ZNF705A: variants seen among roughly 807,000 people sequenced by gnomAD.
ZNF705A encodes zinc finger protein 705A.
Under a neutral mutation model 16.6 loss-of-function variants are expected in ZNF705A, and 8 were observed. The ratio of observed to expected loss-of-function variants is 0.48; its 90% confidence interval spans 0.28 to 0.87. The LOEUF (loss-of-function observed/expected upper bound fraction) is 0.87, where lower values mean the gene tolerates loss of function less well. Among genes scored for constraint, ZNF705A ranks in the 40% least tolerant of loss-of-function variants. The probability of loss-of-function intolerance (pLI) is 0.10; values close to 1 mark genes in which losing one functional copy is unlikely to be tolerated. For synonymous variants in ZNF705A, 73 were observed against 117.3 expected (o/e 0.62, Z 2.44); for missense variants, 233 against 359.9 (o/e 0.65, Z 2.85).
chr12:8,175,193 T>A (rs1948475739), intron 2 of ZNF705A, 35 bp from the exon 4 acceptor site: 1 of 1,559,870 alleles, frequency 6.4e-7, no homozygotes, highest in East Asian at 2.2e-5. Context: ...TTATTGACAG[T>A]GAACTCAAAA....
At chr12:8,179,410 G>A (rs1427841804) in exon 5 of ZNF705A, 3 of 152,128 alleles carry the variant, frequency 2.0e-5, no homozygotes, top group Admixed American at 1.3e-4. Flanking sequence ...TCTCACAGAG[G>A]GGCCCTCCTC....
At chr12:8,158,754 T>C (rs1158342997) in intron 1 of ZNF705A, among the ~76,000 whole-genome samples, 3 of 152,154 alleles carry the variant, frequency 2.0e-5, no homozygotes, top group Non-Finnish European at 2.9e-5. Flanking sequence ...TACGTTTTTT[T>C]CTCTGGATAT....
At chr12:8,164,840 G>A (rs542997783) in intron 1 of ZNF705A, among the ~76,000 whole-genome samples, 2 of 152,048 alleles carry the variant, frequency 1.3e-5, no homozygotes, top group Non-Finnish European at 2.9e-5. Context: ...TATTCCTTTG[G>A]GTATATACCT....
At chr12:8,162,178 A>G (rs747921964) in intron 1 of ZNF705A, among the ~76,000 whole-genome samples, 3 of 152,270 alleles carry the variant, frequency 2.0e-5, no homozygotes, top group Non-Finnish European at 1.5e-5. Flanking sequence ...AAACCAGAAG[A>G]CACCTTTTTG....
chr12:8,167,585 G>A (rs1048635261), upstream of ZNF705A, among the ~76,000 whole-genome samples: 1 of 152,166 alleles, frequency 6.6e-6, no homozygotes, highest in African/African-American at 2.4e-5. Flanking sequence ...TGTGGGACTT[G>A]CCTTGGAAGG....
At chr12:8,166,280 C>A (rs956896326) in intron 1 of ZNF705A, among the ~76,000 whole-genome samples, 7 of 152,200 alleles carry the variant, frequency 4.6e-5, no homozygotes, top group African/African-American at 1.7e-4. Flanking sequence ...GACATACAGG[C>A]TTTTCCATAC....
chr12:8,172,655 C>T lies in ZNF705A; in HGVS notation c.12+18C>T, dbSNP rs1948454422. 6.3e-7 allele frequency: 1 copy of T among 1,596,252 alleles called. No individual in the cohort carries two copies. Among genetic ancestry groups the T allele is most frequent in the Admixed American group, 1.7e-5 (1 of 59,994 alleles). Reference sequence around the variant, plus strand: ...ATTCACTAGTGAGTAGGGGATGCTTCTTTCTACTGAAATTATACCCATATT... The same window carrying T: ...ATTCACTAGTGAGTAGGGGATGCTTTTTTCTACTGAAATTATACCCATATT... On this transcript the variant is annotated intron_variant, in intron 1 of 4. Transcript: ENST00000359286.
chr12:8,166,342 C>T (rs553067931), intron 1 of ZNF705A, among the ~76,000 whole-genome samples: 20 of 152,170 alleles, frequency 1.3e-4, no homozygotes, highest in South Asian at 4.1e-4. Context: ...TCTGTGTCCC[C>T]GCCCAAATCT....
chr12:8,167,790 C>A (rs938016672), upstream of ZNF705A, among the ~76,000 whole-genome samples: 4 of 152,136 alleles, frequency 2.6e-5, no homozygotes, highest in African/African-American at 9.7e-5. Context: ...GACTGAAGGG[C>A]ATACAGCGGA....
exon 5 of ZNF705A, chr12:8,177,685 T>A: frequency 6.5e-7 from 1 of 1,531,794 alleles, no homozygotes. Context: ...AAATTCACGC[T>A]GGAGAGAAAA....
chr12:8,158,036 A>G (rs1167514704), intron 1 of ZNF705A, among the ~76,000 whole-genome samples: 1 of 152,106 alleles, frequency 6.6e-6, no homozygotes, highest in Non-Finnish European at 1.5e-5. Flanking sequence ...TTAACTATAG[A>G]TCATGGATTA....
intron 1 of ZNF705A, 136 bp downstream of exon 1, chr12:8,157,228 G>A: frequency 2.6e-6 from 1 of 392,016 alleles, no homozygotes; most frequent in Non-Finnish European, 4.5e-6. Flanking sequence ...AAACTTAATA[G>A]GCTGAAATGA....
At position 8,175,856 on chromosome 12, in the gene ZNF705A, T is replaced by G; in HGVS notation, c.236-4T>G. ...TGTAACAATTTATTTTTCAATTATT[T>G]CAGACAGGGAAAGTGCCCTTAAGAA... On this transcript the variant is annotated splice_region_variant and splice_polypyrimidine_tract_variant and intron_variant, in intron 3 of 4. Transcript: ENST00000359286. 6.2e-7 allele frequency: 1 copy of G among 1,611,452 alleles called. No homozygotes were observed. The highest frequency in any genetic ancestry group is 1.7e-5 in the Admixed American group (1 of 59,996).
At chr12:8,162,841 G>A (rs1213184912) in intron 1 of ZNF705A, among the ~76,000 whole-genome samples, 1 of 152,158 alleles carries the variant, frequency 6.6e-6, no homozygotes, top group East Asian at 1.9e-4. Context: ...GCACTGCTAA[G>A]AATTAATCAC....
At chr12:8,161,608 A>G (rs1192966344) in intron 1 of ZNF705A, among the ~76,000 whole-genome samples, 1 of 152,132 alleles carries the variant, frequency 6.6e-6, no homozygotes, top group Non-Finnish European at 1.5e-5. Flanking sequence ...GTAGCCTTGA[A>G]TGATCAGTGG....
chr12:8,179,360 T>A (rs1332359863), exon 5 of ZNF705A: 1 of 152,222 alleles, frequency 6.6e-6, no homozygotes, highest in African/African-American at 2.4e-5. Context: ...GCCTTTCCTA[T>A]ATTCGATTCA....
At chr12:8,170,347 C>T (rs1237235986), upstream of ZNF705A, among the ~76,000 whole-genome samples, 4 of 152,044 alleles carry the variant, frequency 2.6e-5, no homozygotes, top group African/African-American at 9.7e-5. Context: ...AAATTTTAGA[C>T]CCATAACATG....
chr12:8,171,900 T>G (rs1341124874), upstream of ZNF705A, among the ~76,000 whole-genome samples: 24 of 152,006 alleles, frequency 1.6e-4, no homozygotes, highest in Non-Finnish European at 3.1e-4. Flanking sequence ...CCATACCCAG[T>G]TAATTTTTGT....
upstream of ZNF705A, among the ~76,000 whole-genome samples, chr12:8,168,568 T>C (rs1330391898): frequency 6.6e-6 from 1 of 152,206 alleles, no homozygotes; most frequent in Non-Finnish European, 1.5e-5. Context: ...ATATAGTAAC[T>C]ACTAGTCACA....
Sources: gnomAD v4.1 joint callset for allele counts (sites outside exome capture counted in the v4.1 genomes callset) on GRCh38, gnomAD v4.1.1 for gene constraint, MANE v1.5 for transcripts, NCBI Gene and HGNC (gene_info 2026-07-23, HGNC 2026-07-21) for gene names.